LRP2: variants seen among roughly 807,000 people sequenced by gnomAD.
LRP2 encodes low-density lipoprotein receptor-related protein 2.
Under a neutral mutation model 531.0 loss-of-function variants are expected in LRP2, and 172 were observed. The ratio of observed to expected loss-of-function variants is 0.32; its 90% CI spans 0.29 to 0.37. LRP2 has a LOEUF of 0.37. LRP2 is among the 10% of genes least tolerant of loss of function. The pLI, the probability that LRP2 is intolerant of heterozygous loss-of-function variation, is 1.00. For synonymous variants in LRP2, 1,992 were observed against 2,027.6 expected (o/e 0.98, Z 0.47); for missense variants, 5,167 against 5,868.3 (o/e 0.88, Z 3.90).
intron 16 of LRP2, among the ~76,000 whole-genome samples, chr2:169,269,674 C>G (rs192939665): frequency 8.5e-5 from 13 of 152,292 alleles, no homozygotes; most frequent in Admixed American, 7.8e-4. Context: ...CTAGACAATA[C>G]CATTCAGGCC....
At chr2:169,358,789 T>G (rs1661628472) in intron 1 of LRP2, among the ~76,000 whole-genome samples, 1 of 151,130 alleles carries the variant, frequency 6.6e-6, no homozygotes, top group African/African-American at 2.4e-5. Context: ...GGCCAAGAGT[T>G]CAAGACCAGC....
At chr2:169,156,020 T>C (rs927816622) in intron 65 of LRP2, among the ~76,000 whole-genome samples, 7 of 152,110 alleles carry the variant, frequency 4.6e-5, no homozygotes, top group Admixed American at 3.9e-4. Flanking sequence ...GCTAAATCCA[T>C]TATAATAAGT....
chr2:169,207,663 C>G (rs371899522), intron 38 of LRP2, among the ~76,000 whole-genome samples: 19 of 152,248 alleles, frequency 1.2e-4, no homozygotes, highest in Non-Finnish European at 2.4e-4. Flanking sequence ...AAAGAGGGAG[C>G]ACCAGCAGCA....
Position 169,206,181 on chromosome 2 carries a change from C to T in LRP2, c.7398G>A (p.Gly2466=), listed in dbSNP as rs267599000. ...HTPTVIASGI[G]TADGIAFDWI... is the part of the protein sequence containing the mutation. ...AGTCAAAGGCAATGCCATCAGCAGT[C>T]CCTATACCTGGACACATACAGGCAG... The change falls in exon 40 of 79, where the codon GGG becomes GGA. Residue 2466 remains glycine (G), a synonymous_variant. Transcript: ENST00000649046. 1 of 1,614,168 alleles carries T rather than the reference C, an allele frequency of 6.2e-7. No homozygotes were observed. Among genetic ancestry groups the T allele is most frequent in the Non-Finnish European group, 8.5e-7 (1 of 1,180,026 alleles).
intron 16 of LRP2, among the ~76,000 whole-genome samples, chr2:169,260,357 C>T (rs1236387099): frequency 2.0e-5 from 3 of 152,044 alleles, no homozygotes. Flanking sequence ...ACTGAAAACT[C>T]TACATGTTCT....
intron 77 of LRP2, among the ~76,000 whole-genome samples, chr2:169,132,229 G>A (rs1193849229): frequency 6.6e-6 from 1 of 152,162 alleles, no homozygotes; most frequent in African/African-American, 2.4e-5. Context: ...TCTTTCATCT[G>A]TATCTTTGAC....
intron 13 of LRP2, among the ~76,000 whole-genome samples, chr2:169,275,567 T>C (rs1683530008): frequency 6.6e-6 from 1 of 152,290 alleles, no homozygotes; most frequent in Admixed American, 6.5e-5. Flanking sequence ...AAGGCTAAGA[T>C]GTGAAATAGC....
intron 68 of LRP2, 129 bp from the exon 69 acceptor site, chr2:169,147,088 G>C (rs1685942296): frequency 1.4e-6 from 1 of 738,432 alleles, no homozygotes. Flanking sequence ...AGTGACACCA[G>C]TTTTATATTT....
rs191414748 is a variant in LRP2 at position 169,207,783 on chromosome 2, A to T, written c.6470-533T>A. ...GGTGTTTTCATCCCATGGACCTTCT[A>T]AAAGTGACCAAAAGTCCATTTCCCT... On this transcript the variant is annotated intron_variant, in intron 38 of 78. Transcript: ENST00000649046. 3.6e-4 allele frequency among the ~76,000 whole-genome samples: 55 copies of T among 152,366 alleles called. 1 individual carries two copies. The East Asian group carries it at 8.9e-3, about 25-fold the overall frequency.
chr2:169,246,387 T>C (rs1690005226), intron 21 of LRP2, among the ~76,000 whole-genome samples: 1 of 152,156 alleles, frequency 6.6e-6, no homozygotes, highest in African/African-American at 2.4e-5. Context: ...TGAGCCACCT[T>C]GCCTGGTCAG....
intron 63 of LRP2, among the ~76,000 whole-genome samples, chr2:169,158,217 T>C (rs1686416684): frequency 6.6e-6 from 1 of 152,028 alleles, no homozygotes; most frequent in South Asian, 2.1e-4. Context: ...TTGTACTATG[T>C]ATGTATGCAC....
At chr2:169,251,122 G>A (rs1690165275) in intron 19 of LRP2, among the ~76,000 whole-genome samples, 1 of 14,188 alleles carries the variant, frequency 7.0e-5, no homozygotes. Context: ...ATTGAACTCA[G>A]CTCTGCACCA....
intron 1 of LRP2, among the ~76,000 whole-genome samples, chr2:169,321,425 A>G (rs1371938504): frequency 1.3e-5 from 2 of 151,868 alleles, no homozygotes; most frequent in Admixed American, 1.3e-4. Flanking sequence ...AACAAAAACA[A>G]GGACGTAAAT....
At chr2:169,152,134 A>G (rs11679947) in intron 67 of LRP2, among the ~76,000 whole-genome samples, 70,110 of 151,910 alleles carry the variant, frequency 0.46, 16,841 homozygotes, top group Admixed American at 0.59. Context: ...TTTGTACCTC[A>G]CACACCTACC....
At chr2:169,229,505 C>T (rs1162836011) in intron 31 of LRP2, among the ~76,000 whole-genome samples, 6 of 152,088 alleles carry the variant, frequency 3.9e-5, no homozygotes, top group Non-Finnish European at 5.9e-5. Context: ...CCCCTGAGAC[C>T]GAGTCAGAAG....
At chr2:169,307,043 T>C (rs1156713491) in intron 4 of LRP2, among the ~76,000 whole-genome samples, 1 of 152,208 alleles carries the variant, frequency 6.6e-6, no homozygotes, top group Non-Finnish European at 1.5e-5. Flanking sequence ...AAAAGTTTCT[T>C]ACTATAAAAA....
At chr2:169,267,474 C>T (rs1458721641) in intron 16 of LRP2, among the ~76,000 whole-genome samples, 16 of 152,076 alleles carry the variant, frequency 1.1e-4, no homozygotes, top group African/African-American at 2.9e-4. Flanking sequence ...CTCAACTACA[C>T]GGAAACTGAA....
intron 12 of LRP2, among the ~76,000 whole-genome samples, chr2:169,278,782 T>A (rs1228927483): frequency 6.6e-6 from 1 of 152,188 alleles, no homozygotes; most frequent in Non-Finnish European, 1.5e-5. Flanking sequence ...GAAAGCTAAG[T>A]CTCCTATAAC....
At chr2:169,185,466 T>C in intron 50 of LRP2, 37 bp downstream of exon 50, 1 of 1,605,404 alleles carries the variant, frequency 6.2e-7, no homozygotes, top group South Asian at 1.1e-5. Context: ...AATTTTTTAA[T>C]TTTTAACTTT....
Sources: gnomAD v4.1 joint callset for allele counts (sites outside exome capture counted in the v4.1 genomes callset) on GRCh38, gnomAD v4.1.1 for gene constraint, MANE v1.5 for transcripts, NCBI Gene and HGNC (gene_info 2026-07-23, HGNC 2026-07-21) for gene names.